The following KCNMB3 variants were observed in gnomAD, a reference collection of about 807,000 sequenced individuals.
KCNMB3 encodes calcium-activated potassium channel subunit beta-3.
In KCNMB3, 18 loss-of-function variants were observed where a neutral mutation model predicts 11.9. That is an observed-to-expected ratio of 1.51 (90% confidence interval 1.04 to 2.23). The LOEUF is 2.23. KCNMB3 is among the 30% of genes most tolerant of loss of function. The pLI, the probability that KCNMB3 is intolerant of heterozygous loss-of-function variation, is 0.00. For missense variants in KCNMB3, 247 were observed against 329.4 expected (o/e 0.75, Z 1.94); for synonymous variants, 78 against 119.2 (o/e 0.65, Z 2.25).
chr3:179,263,737 C>T (rs978699820), intron 1 of KCNMB3, among the ~76,000 whole-genome samples: 1 of 151,300 alleles, frequency 6.6e-6, no homozygotes, highest in African/African-American at 2.4e-5. Flanking sequence ...TAATCCCCTC[C>T]TGCTCTATAT....
chr3:179,250,833 C>T lies in KCNMB3; in HGVS notation c.158G>A (p.Arg53Gln), dbSNP rs376803354. 8.7e-6 allele frequency: 14 copies of T among 1,614,050 alleles called. No individual in the cohort carries two copies. The highest frequency in any genetic ancestry group is 4.0e-5 in the African/African-American group (3 of 74,928). The part of the protein sequence containing the change: ...KRLPSSAGED[R>Q]AVMLGFAMMG... ...CATGGCAAACCCCAGCATCACGGCT[C>T]GGTCCTCTCCAGCACTGGATGGCAG... The change falls in exon 1 of 3, where the codon CGA becomes CAA. Residue 53 changes from arginine (R) to glutamine (Q), a missense_variant. Coordinates refer to ENST00000392685, the MANE Select transcript of KCNMB3 (RefSeq NM_171830.2).
intron 1 of KCNMB3, among the ~76,000 whole-genome samples, chr3:179,248,259 T>A (rs758971415): frequency 8.5e-5 from 13 of 152,294 alleles, no homozygotes; most frequent in Middle Eastern, 3.4e-3. Flanking sequence ...AACACTTCCA[T>A]CATGGGCTGC....
chr3:179,242,357 T>A (rs980535536), downstream of KCNMB3: 11 of 151,646 alleles, frequency 7.3e-5, no homozygotes, highest in African/African-American at 2.7e-4. Context: ...ACTGTGCCAC[T>A]GTGCTCCAGC....
At chr3:179,266,080 C>T (rs757287248) in intron 1 of KCNMB3, among the ~76,000 whole-genome samples, 3 of 152,218 alleles carry the variant, frequency 2.0e-5, no homozygotes, top group Non-Finnish European at 2.9e-5. Context: ...CTGAGACACG[C>T]AGGGGCTCTT....
intron 1 of KCNMB3, among the ~76,000 whole-genome samples, chr3:179,248,560 T>C (rs984027508): frequency 2.6e-5 from 4 of 151,936 alleles, no homozygotes; most frequent in African/African-American, 9.7e-5. Context: ...GGATCCCATC[T>C]CTACCAACAA....
chr3:179,251,746 G>A, upstream of KCNMB3: 1 of 787,766 alleles, frequency 1.3e-6, no homozygotes, highest in Non-Finnish European at 1.7e-6. Flanking sequence ...GGTTTTTTTT[G>A]AGACGGAACC....
At chr3:179,245,514 TGGG>T (rs11364967) in intron 1 of KCNMB3, among the ~76,000 whole-genome samples, 1 of 147,606 alleles carries the variant, frequency 6.8e-6, no homozygotes, top group Non-Finnish European at 1.5e-5. Context: ...TTAATTTTTT[TGGG>T]GGGGGGGATG....
At chr3:179,265,185 A>G (rs754883455) in intron 1 of KCNMB3, among the ~76,000 whole-genome samples, 2 of 152,192 alleles carry the variant, frequency 1.3e-5, no homozygotes, top group Non-Finnish European at 2.9e-5. Flanking sequence ...GTTCATGTCT[A>G]GCGAGAAGAA....
chr3:179,254,280 T>C (rs544493037), upstream of KCNMB3, among the ~76,000 whole-genome samples: 4 of 152,310 alleles, frequency 2.6e-5, no homozygotes, highest in African/African-American at 7.2e-5. Flanking sequence ...AAAATGCCTT[T>C]CTCAAACCTT....
chr3:179,250,770 G>A lies in KCNMB3; in HGVS notation c.221C>T (p.Thr74Ile). Residue 74 changes from threonine (T) to isoleucine (I), a missense_variant, in exon 1 of 3, where the codon ACA becomes ATA. Physicochemically the swap from Thr to Ile is moderately conservative, Grantham distance 89. Coordinates refer to ENST00000392685, the MANE Select transcript of KCNMB3 (RefSeq NM_171830.2). ...FSVLMFFLLG[T>I]TILKPFMLSI... Reference sequence around the variant, plus strand: ...GAGCATAAAAGGCTTTAGAATGGTTGTTCCGAGCAAGAAGAACATTAGGAC... The same window carrying A: ...GAGCATAAAAGGCTTTAGAATGGTTATTCCGAGCAAGAAGAACATTAGGAC... 1.2e-6 allele frequency: 2 copies of A among 1,614,198 alleles called. No individual in the cohort carries two copies. The highest frequency in any genetic ancestry group is 1.7e-6 in the Non-Finnish European group (2 of 1,180,054).
chr3:179,261,462 G>T (rs1431338502), intron 1 of KCNMB3, among the ~76,000 whole-genome samples: 2 of 151,934 alleles, frequency 1.3e-5, no homozygotes, highest in East Asian at 1.9e-4. Context: ...GACTGGGCTC[G>T]GGCGCAGCCG....
At chr3:179,243,556 A>T (rs9819654) in intron 2 of KCNMB3, among the ~76,000 whole-genome samples, 15,347 of 150,178 alleles carry the variant, frequency 0.1, 1,208 homozygotes, top group African/African-American at 0.22. Flanking sequence ...AAGGAATATG[A>T]CTCCTCCCTA....
At chr3:179,260,859 G>C in intron 1 of KCNMB3, 1 of 1,192,636 alleles carries the variant, frequency 8.4e-7, no homozygotes, top group Non-Finnish European at 1.2e-6. Flanking sequence ...ATATCTTTCA[G>C]GGTGTCAACT....
intron 1 of KCNMB3, among the ~76,000 whole-genome samples, chr3:179,263,420 C>A (rs1014570777): frequency 1.3e-5 from 2 of 152,210 alleles, no homozygotes; most frequent in African/African-American, 4.8e-5. Flanking sequence ...CTGAGGGAGC[C>A]GGCTCTAGCC....
At chr3:179,264,796 A>G (rs1400107433) in intron 1 of KCNMB3, among the ~76,000 whole-genome samples, 1 of 152,238 alleles carries the variant, frequency 6.6e-6, no homozygotes, top group African/African-American at 2.4e-5. Context: ...GGTGTATGTG[A>G]AATGAATGTC....
chr3:179,245,257 C>T lies in KCNMB3; in HGVS notation c.249-564G>A, dbSNP rs535928445. ...AAATGTGCCTTTGGAAGGAGTCTAA[C>T]TACAGGGCCGTTGGTCAACATAGCC... On this transcript the variant is annotated intron_variant, in intron 1 of 2. Transcript: ENST00000392685. Among the ~76,000 whole-genome samples the T allele has an allele frequency of 1.3e-3, 204 of 152,058 alleles. 1 individual carries two copies. The highest frequency in any genetic ancestry group is 4.5e-3 in the African/African-American group (187 of 41,478).
At chr3:179,261,260 G>T (rs544813360) in intron 1 of KCNMB3, 3 of 1,314,722 alleles carry the variant, frequency 2.3e-6, no homozygotes, top group Admixed American at 3.5e-5. Context: ...CTGCGTGGCC[G>T]CGGGGCTGGT....
At chr3:179,261,061 C>T (rs1169768739) in intron 1 of KCNMB3, 6 of 1,062,794 alleles carry the variant, frequency 5.6e-6, no homozygotes, top group East Asian at 2.4e-5. Flanking sequence ...TGGCTGCAGA[C>T]GGGCCCAGCA....
intron 1 of KCNMB3, chr3:179,261,099 A>AT: frequency 8.3e-7 from 1 of 1,200,562 alleles, no homozygotes; most frequent in Non-Finnish European, 1.2e-6. Flanking sequence ...TCAGTAAAAT[A>AT]TTTTTCTGGT....
Sources: allele counts gnomAD v4.1 joint callset (sites outside exome capture counted in the v4.1 genomes callset), GRCh38; gene constraint gnomAD v4.1.1; transcripts MANE v1.5; gene names NCBI Gene and HGNC (gene_info 2026-07-23, HGNC 2026-07-21).